Variants in ERBB4 observed in about 807,000 individuals in gnomAD.
ERBB4 encodes the protein receptor tyrosine-protein kinase erbB-4.
ERBB4 carries 42 observed loss-of-function variants against 158.0 expected under a neutral mutation model. That is an observed-to-expected ratio of 0.27 (90% CI 0.21 to 0.34). The LOEUF is 0.34. Ranked by LOEUF, ERBB4 falls within the 10% of genes least tolerant of loss-of-function variation. The pLI is 1.00. For synonymous variants in ERBB4, 583 were observed against 558.7 expected (o/e 1.04, Z -0.61); for missense variants, 1,333 against 1,624.1 (o/e 0.82, Z 3.08).
chr2:212,073,108 A>T (rs1391473379), intron 2 of ERBB4, among the ~76,000 whole-genome samples: 2 of 151,762 alleles, frequency 1.3e-5, no homozygotes, highest in Non-Finnish European at 2.9e-5. Context: ...TGGAGGTGGA[A>T]GGAAGGAAGG....
At chr2:211,935,050 T>C (rs912072805) in intron 3 of ERBB4, among the ~76,000 whole-genome samples, 2 of 152,202 alleles carry the variant, frequency 1.3e-5, no homozygotes, top group Middle Eastern at 3.4e-3. Flanking sequence ...ATCCCCTTTC[T>C]TCTCAGAATC....
At chr2:212,078,010 C>T (rs564567842) in intron 2 of ERBB4, among the ~76,000 whole-genome samples, 1 of 151,910 alleles carries the variant, frequency 6.6e-6, no homozygotes, top group Non-Finnish European at 1.5e-5. Flanking sequence ...AAGAAATGAT[C>T]CATCAAGAAG....
At chr2:212,147,776 C>T (rs2080731823) in intron 1 of ERBB4, among the ~76,000 whole-genome samples, 1 of 152,122 alleles carries the variant, frequency 6.6e-6, no homozygotes, top group South Asian at 2.1e-4. Context: ...GTTTTGCTGT[C>T]ATTATCTGAA....
At position 211,630,603 on chromosome 2, in the gene ERBB4, C is replaced by G. The variant is rs1277474612; in HGVS notation, c.1947-9G>C. On this transcript the variant is annotated splice_polypyrimidine_tract_variant and intron_variant, in intron 16 of 27. Coordinates refer to ENST00000342788, the MANE Select transcript of ERBB4 (RefSeq NM_005235.3). Reference sequence around the variant, plus strand: ...CTGCAATCAGGGGAGTTCTGACAACCAGAATGAGAAAAAAAAAAATAAAAA... The same window carrying G: ...CTGCAATCAGGGGAGTTCTGACAACGAGAATGAGAAAAAAAAAAATAAAAA... The G allele has an allele frequency of 6.3e-7, 1 of 1,598,414 alleles. No individual in the cohort carries two copies. Among genetic ancestry groups the G allele is most frequent in the Non-Finnish European group, 8.5e-7 (1 of 1,175,678 alleles).
chr2:211,572,918 A>G (rs1574779833), intron 19 of ERBB4, among the ~76,000 whole-genome samples: 1 of 152,142 alleles, frequency 6.6e-6, no homozygotes, highest in East Asian at 1.9e-4. Context: ...CCTACCCATG[A>G]AAGATACTGC....
chr2:212,401,722 TA>T (rs2091210905), intron 1 of ERBB4, among the ~76,000 whole-genome samples: 1 of 152,166 alleles, frequency 6.6e-6, no homozygotes, highest in East Asian at 1.9e-4. Context: ...CGTTATTATA[TA>T]ATTTTTTTTA....
chr2:212,357,058 T>C (rs1019679906), intron 1 of ERBB4, among the ~76,000 whole-genome samples: 7 of 151,996 alleles, frequency 4.6e-5, no homozygotes, highest in Non-Finnish European at 1.0e-4. Context: ...AGATACATAA[T>C]AGTGTCTTAT....
At chr2:211,494,190 A>C (rs2065413496) in intron 20 of ERBB4, among the ~76,000 whole-genome samples, 1 of 152,090 alleles carries the variant, frequency 6.6e-6, no homozygotes, top group African/African-American at 2.4e-5. Context: ...TTTAGTAGAG[A>C]TAGGGTTTCA....
At chr2:212,232,532 C>A (rs975221173) in intron 1 of ERBB4, among the ~76,000 whole-genome samples, 1 of 152,176 alleles carries the variant, frequency 6.6e-6, no homozygotes, top group African/African-American at 2.4e-5. Context: ...CCTCTGCCTT[C>A]TGAGTAACTG....
In ERBB4 at chr2:211,967,325, A is replaced by G. The variant is rs1218565606; in HGVS notation, c.235-19709T>C. Among the ~76,000 whole-genome samples, 4 of 152,160 alleles carry G rather than the reference A, an allele frequency of 2.6e-5. No individual in the cohort carries two copies. In the South Asian group the frequency reaches 8.3e-4, roughly 31 times the overall value. On this transcript the variant is annotated intron_variant, in intron 2 of 27. Transcript: ENST00000342788. ...TATGTAATAGGGAACTGCAATTAGT[A>G]TTTAAGAGGCTTTACTTAAGATAGA...
chr2:211,766,654 G>C (rs974721373), intron 4 of ERBB4, among the ~76,000 whole-genome samples: 4 of 152,216 alleles, frequency 2.6e-5, no homozygotes, highest in African/African-American at 9.6e-5. Flanking sequence ...GAACTTGTGA[G>C]TTGTGATGAA....
chr2:212,078,035 C>T (rs1027138731), intron 2 of ERBB4, among the ~76,000 whole-genome samples: 2 of 151,966 alleles, frequency 1.3e-5, no homozygotes, highest in African/African-American at 4.8e-5. Context: ...GAAAGTAATT[C>T]CAAAGGAAGT....
At chr2:211,534,676 T>C (rs2066595568) in intron 20 of ERBB4, among the ~76,000 whole-genome samples, 1 of 152,046 alleles carries the variant, frequency 6.6e-6, no homozygotes, top group Admixed American at 6.5e-5. Context: ...GGTTAAATCA[T>C]TGCTATAAGT....
chr2:211,773,907 C>T (rs573082702), intron 4 of ERBB4, among the ~76,000 whole-genome samples: 75 of 151,766 alleles, frequency 4.9e-4, no homozygotes, highest in African/African-American at 1.7e-3. Flanking sequence ...CCTGATCCAA[C>T]ATTGAGGTTG....
At chr2:211,957,636 T>C (rs1361859913) in intron 2 of ERBB4, among the ~76,000 whole-genome samples, 3 of 152,128 alleles carry the variant, frequency 2.0e-5, no homozygotes, top group Non-Finnish European at 4.4e-5. Context: ...GAGAAGTGTA[T>C]CTCTATGACT....
At chr2:212,055,808 T>C (rs2077545957) in intron 2 of ERBB4, among the ~76,000 whole-genome samples, 1 of 152,068 alleles carries the variant, frequency 6.6e-6, no homozygotes, top group African/African-American at 2.4e-5. Flanking sequence ...CAAAGGTAGA[T>C]AAAACCACAA....
intron 20 of ERBB4, among the ~76,000 whole-genome samples, chr2:211,497,269 A>G (rs922146135): frequency 2.6e-5 from 4 of 152,146 alleles, no homozygotes; most frequent in African/African-American, 9.6e-5. Context: ...TAAACCAAAA[A>G]GATGCAAACA....
At chr2:211,624,993 T>C (rs2069783198) in intron 17 of ERBB4, among the ~76,000 whole-genome samples, 1 of 151,558 alleles carries the variant, frequency 6.6e-6, no homozygotes, top group Non-Finnish European at 1.5e-5. Flanking sequence ...GACGTCATCA[T>C]TGCGTTGTGA....
At chr2:211,486,319 A>T (rs2065203715) in intron 20 of ERBB4, among the ~76,000 whole-genome samples, 1 of 152,146 alleles carries the variant, frequency 6.6e-6, no homozygotes, top group East Asian at 1.9e-4. Flanking sequence ...TTAAATATTA[A>T]TTTTTACCAC....
Sources: allele counts gnomAD v4.1 joint callset (sites outside exome capture counted in the v4.1 genomes callset), GRCh38; gene constraint gnomAD v4.1.1; transcripts MANE v1.5; gene names NCBI Gene and HGNC (gene_info 2026-07-23, HGNC 2026-07-21).